TPRG1: variants seen among roughly 807,000 people sequenced by gnomAD.
TPRG1 encodes tumor protein p63 regulated 1.
Under a neutral mutation model 29.3 loss-of-function variants are expected in TPRG1, and 29 were observed. The ratio of observed to expected loss-of-function variants is 0.99; its 90% CI spans 0.74 to 1.35. The LOEUF is 1.35. TPRG1 is among the 40% of genes most tolerant of loss of function. TPRG1 has a pLI of 0.00. For missense variants in TPRG1, 327 were observed against 335.0 expected, an observed-to-expected ratio of 0.98 and a Z score of 0.19; for synonymous variants, 130 against 116.8, an observed-to-expected ratio of 1.11 and a Z score of -0.73.
chr3:189,008,507 A>G (rs1351433905), intron 3 of TPRG1, among the ~76,000 whole-genome samples: 1 of 152,184 alleles, frequency 6.6e-6, no homozygotes, highest in African/African-American at 2.4e-5. Context: ...CTGGGTTTCT[A>G]AAATGTAGTT....
intron 1 of TPRG1, among the ~76,000 whole-genome samples, chr3:189,193,039 AT>A (rs1731938427): frequency 6.6e-6 from 1 of 151,792 alleles, no homozygotes; most frequent in African/African-American, 2.4e-5. Context: ...CTGCAGAGAA[AT>A]CTGCTGTTTA....
At chr3:189,094,241 G>A (rs572516211) in intron 4 of TPRG1, among the ~76,000 whole-genome samples, 2 of 152,234 alleles carry the variant, frequency 1.3e-5, no homozygotes, top group East Asian at 3.9e-4. Context: ...AGTGGAAAGG[G>A]GGCCTCACTC....
chr3:188,999,423 T>G (rs935456896), intron 1 of TPRG1, among the ~76,000 whole-genome samples: 7 of 152,176 alleles, frequency 4.6e-5, no homozygotes, highest in Non-Finnish European at 1.0e-4. Context: ...AAGCAAAGCA[T>G]TTTCCTATGA....
At chr3:189,049,610 C>T (rs1715188396) in intron 4 of TPRG1, among the ~76,000 whole-genome samples, 2 of 152,192 alleles carry the variant, frequency 1.3e-5, no homozygotes, top group African/African-American at 4.8e-5. Flanking sequence ...AGTTCTAGGG[C>T]CCTGCCCACC....
chr3:189,129,600 C>A (rs1023068879), intron 2 of TPRG1, among the ~76,000 whole-genome samples: 26 of 152,240 alleles, frequency 1.7e-4, no homozygotes, highest in African/African-American at 5.8e-4. Context: ...GTGGATCTTG[C>A]TTGTTGCCAT....
intron 1 of TPRG1, among the ~76,000 whole-genome samples, chr3:189,124,571 C>T (rs1722227382): frequency 6.7e-6 from 1 of 148,802 alleles, no homozygotes; most frequent in African/African-American, 2.5e-5. Context: ...TATATATACA[C>T]ACACACACAT....
intron 4 of TPRG1, among the ~76,000 whole-genome samples, chr3:189,033,269 A>C (rs1336722778): frequency 6.6e-6 from 1 of 151,014 alleles, no homozygotes; most frequent in Non-Finnish European, 1.5e-5. Context: ...ACGCAGAGTC[A>C]TTATTCCTTT....
At chr3:189,239,811 A>G (rs1578986012) in intron 4 of TPRG1, among the ~76,000 whole-genome samples, 1 of 152,198 alleles carries the variant, frequency 6.6e-6, no homozygotes, top group East Asian at 1.9e-4. Context: ...AGGTGTGTCA[A>G]CTGTTTCACA....
chr3:189,144,923 G>C (rs1222081732), intron 3 of TPRG1, among the ~76,000 whole-genome samples: 2 of 152,196 alleles, frequency 1.3e-5, no homozygotes, highest in Non-Finnish European at 2.9e-5. Context: ...TTCACGGGCA[G>C]GTGAATAAAA....
At chr3:189,189,414 C>T (rs1731386066) in intron 1 of TPRG1, among the ~76,000 whole-genome samples, 1 of 151,772 alleles carries the variant, frequency 6.6e-6, no homozygotes. Flanking sequence ...ACCTAAACTA[C>T]ATTTAGATAG....
At chr3:189,087,110 T>C (rs186208499) in intron 4 of TPRG1, among the ~76,000 whole-genome samples, 1 of 152,322 alleles carries the variant, frequency 6.6e-6, no homozygotes, top group East Asian at 1.9e-4. Flanking sequence ...GGAACTAGTT[T>C]GCAGTCCCAC....
At chr3:189,030,089 T>G (rs16863899) in intron 4 of TPRG1, among the ~76,000 whole-genome samples, 2,633 of 152,318 alleles carry the variant, frequency 0.017, 73 homozygotes, top group African/African-American at 0.059. Context: ...TCTTTTTCTA[T>G]GCTCTTTTGC....
intron 4 of TPRG1, among the ~76,000 whole-genome samples, chr3:189,042,978 C>T (rs1291048027): frequency 6.6e-6 from 1 of 152,076 alleles, no homozygotes; most frequent in East Asian, 1.9e-4. Flanking sequence ...TGCCTGTCAC[C>T]GTTTGTAACC....
At chr3:189,078,673 A>T (rs1364328322) in intron 4 of TPRG1, among the ~76,000 whole-genome samples, 1 of 152,134 alleles carries the variant, frequency 6.6e-6, no homozygotes, top group Non-Finnish European at 1.5e-5. Context: ...TTGATAATAG[A>T]TATATTATGC....
At chr3:189,010,618 T>C (rs1712548108) in intron 3 of TPRG1, among the ~76,000 whole-genome samples, 1 of 152,240 alleles carries the variant, frequency 6.6e-6, no homozygotes, top group African/African-American at 2.4e-5. Context: ...TGCCCACTTT[T>C]TAATGGGGTT....
chr3:189,230,284 T>C (rs1421270716), intron 3 of TPRG1, among the ~76,000 whole-genome samples: 1 of 152,206 alleles, frequency 6.6e-6, no homozygotes, highest in Non-Finnish European at 1.5e-5. Flanking sequence ...AGCGGCTTGA[T>C]GGAATGTATG....
intron 4 of TPRG1, among the ~76,000 whole-genome samples, chr3:189,283,040 C>G (rs183237002): frequency 6.6e-6 from 1 of 152,078 alleles, no homozygotes; most frequent in African/African-American, 2.4e-5. Context: ...ATTATCATTA[C>G]CGAGTAAACC....
chr3:189,280,599 T>C (rs1367976296), intron 4 of TPRG1, among the ~76,000 whole-genome samples: 1 of 152,100 alleles, frequency 6.6e-6, no homozygotes, highest in Non-Finnish European at 1.5e-5. Flanking sequence ...TGGAAACCTA[T>C]GCACATGGAG....
intron 4 of TPRG1, among the ~76,000 whole-genome samples, chr3:189,051,359 A>G (rs889590538): frequency 6.6e-6 from 1 of 152,142 alleles, no homozygotes; most frequent in Admixed American, 6.5e-5. Context: ...TAAACAAACA[A>G]AAAACCACCT....
Sources: gnomAD v4.1 joint callset for allele counts (sites outside exome capture counted in the v4.1 genomes callset) on GRCh38, gnomAD v4.1.1 for gene constraint, MANE v1.5 for transcripts, NCBI Gene and HGNC (gene_info 2026-07-23, HGNC 2026-07-21) for gene names.